The following MIR2052HG variants were observed in gnomAD, a reference collection of about 807,000 sequenced individuals.
MIR2052HG encodes the protein MIR2052 host gene.
intron 2 of MIR2052HG, among the ~76,000 whole-genome samples, chr8:74,659,321 T>G (rs1478559114): frequency 2.0e-5 from 3 of 152,210 alleles, no homozygotes; most frequent in Non-Finnish European, 4.4e-5. Context: ...CTCACAAGTT[T>G]GAAAAACAAG....
intron 5 of MIR2052HG, among the ~76,000 whole-genome samples, chr8:74,753,503 AACTG>A (rs1809969353): frequency 6.6e-6 from 1 of 152,182 alleles, no homozygotes; most frequent in African/African-American, 2.4e-5. Flanking sequence ...GATGACACTA[AACTG>A]ACTGTGTTCT....
chr8:74,706,896 A>G (rs1271181548), intron 4 of MIR2052HG, among the ~76,000 whole-genome samples: 1 of 152,070 alleles, frequency 6.6e-6, no homozygotes, highest in East Asian at 1.9e-4. Context: ...GAGGATTTGC[A>G]AGTGCGTGAA....
intron 4 of MIR2052HG, among the ~76,000 whole-genome samples, chr8:74,730,789 T>G (rs1809683640): frequency 1.0e-5 from 1 of 97,800 alleles, no homozygotes; most frequent in East Asian, 3.5e-4. Flanking sequence ...TTGAAGCAAT[T>G]TTTATGAAAA....
intron 2 of MIR2052HG, among the ~76,000 whole-genome samples, chr8:74,652,429 G>A (rs994599819): frequency 2.0e-5 from 3 of 152,098 alleles, no homozygotes; most frequent in African/African-American, 7.2e-5. Context: ...AGACCATGTG[G>A]ACCAAATCCC....
chr8:74,603,230 GATGGATC>G (rs1266642339), intron 1 of MIR2052HG: 16 of 1,268,608 alleles, frequency 1.3e-5, no homozygotes, highest in Non-Finnish European at 1.8e-5. Context: ...AAACTACACA[GATGGATC>G]ATGGGTGGTG....
chr8:74,702,278 G>T (rs1305136816), intron 2 of MIR2052HG: 1 of 211,298 alleles, frequency 4.7e-6, no homozygotes, highest in African/African-American at 2.3e-5. Flanking sequence ...TTTTGATTAA[G>T]AAGGGATAAA....
chr8:74,715,613 T>TA (rs199672997), intron 4 of MIR2052HG, among the ~76,000 whole-genome samples: 3 of 151,792 alleles, frequency 2.0e-5, no homozygotes, highest in Admixed American at 6.6e-5. Context: ...ACAAATAGAT[T>TA]AAAAAAAAAT....
At chr8:74,740,500 A>G (rs1451351297) in intron 4 of MIR2052HG, among the ~76,000 whole-genome samples, 1 of 152,162 alleles carries the variant, frequency 6.6e-6, no homozygotes, top group African/African-American at 2.4e-5. Flanking sequence ...GTACAATATG[A>G]TATGTTAGGC....
At chr8:74,695,368 A>G (rs986531924) in intron 2 of MIR2052HG, among the ~76,000 whole-genome samples, 1 of 152,182 alleles carries the variant, frequency 6.6e-6, no homozygotes, top group South Asian at 2.1e-4. Context: ...CTTAAAGCAT[A>G]AATCTCACAG....
chr8:74,676,544 A>G (rs1476884127), intron 2 of MIR2052HG, among the ~76,000 whole-genome samples: 1 of 151,948 alleles, frequency 6.6e-6, no homozygotes, highest in Non-Finnish European at 1.5e-5. Context: ...ACCAATCCAA[A>G]AAATACAAGA....
In MIR2052HG at chr8:74,680,673, G is replaced by A. The variant is rs1232588041; in HGVS notation, n.217-21706G>A. On this transcript the variant is annotated intron_variant and non_coding_transcript_variant, in intron 2 of 6. Transcript: ENST00000523442. ...AGTGTGGCAATTCCTCAGGGATCTA[G>A]AACTAGAAATACCATTTGATCCAGC... is the stretch of plus-strand genomic sequence containing the variant. Among the ~76,000 whole-genome samples, 5 of 152,186 alleles carry A rather than the reference G, an allele frequency of 3.3e-5. No individual in the cohort carries two copies. The South Asian group carries it at 1.0e-3, about 32-fold the overall frequency.
intron 2 of MIR2052HG, among the ~76,000 whole-genome samples, chr8:74,676,053 A>G (rs115656802): frequency 0.013 from 1,933 of 152,166 alleles, 30 homozygotes; most frequent in African/African-American, 0.045. Context: ...TCAGAAGACT[A>G]TGGAATAATG....
At chr8:74,610,231 T>C (rs1490793166) in intron 1 of MIR2052HG, among the ~76,000 whole-genome samples, 2 of 151,960 alleles carry the variant, frequency 1.3e-5, no homozygotes, top group Non-Finnish European at 2.9e-5. Flanking sequence ...TTGTATATTC[T>C]TGGAATCAAT....
At chr8:74,698,302 G>T (rs2202079) in intron 2 of MIR2052HG, among the ~76,000 whole-genome samples, 2 of 152,084 alleles carry the variant, frequency 1.3e-5, no homozygotes, top group Non-Finnish European at 2.9e-5. Context: ...TTGGCTAGCC[G>T]CATGTAGGAG....
chr8:74,696,691 C>T (rs1195679549), intron 2 of MIR2052HG, among the ~76,000 whole-genome samples: 1 of 151,816 alleles, frequency 6.6e-6, no homozygotes, highest in Non-Finnish European at 1.5e-5. Context: ...CTATGGACAC[C>T]TCTAATTGCA....
intron 2 of MIR2052HG, among the ~76,000 whole-genome samples, chr8:74,622,249 AACAG>A (rs1198001819): frequency 6.6e-6 from 1 of 152,230 alleles, no homozygotes; most frequent in Non-Finnish European, 1.5e-5. Flanking sequence ...AAAGATTCTG[AACAG>A]ACATTTTCGA....
chr8:74,725,374 C>A (rs1809623094), intron 4 of MIR2052HG, among the ~76,000 whole-genome samples: 1 of 152,128 alleles, frequency 6.6e-6, no homozygotes. Context: ...TAACCTGCAA[C>A]CTTGTATGAT....
intron 2 of MIR2052HG, among the ~76,000 whole-genome samples, chr8:74,656,023 C>T (rs1808802680): frequency 6.6e-6 from 1 of 152,132 alleles, no homozygotes; most frequent in Non-Finnish European, 1.5e-5. Context: ...TTGACTACCC[C>T]ACTGGATTTT....
chr8:74,641,458 A>G lies in MIR2052HG; in HGVS notation n.216+28518A>G, dbSNP rs1185980968. 2.6e-5 allele frequency among the ~76,000 whole-genome samples: 4 copies of G among 152,206 alleles called. No homozygotes were observed. In the South Asian group the frequency reaches 6.2e-4, roughly 24 times the overall value. ...AGATCTTCCATTTGCTTTGGTTAAG[A>G]AAAAAAAGAAGCTCATTTTTTTCTT... is the stretch of plus-strand genomic sequence containing the variant. On this transcript the variant is annotated intron_variant and non_coding_transcript_variant, in intron 2 of 6. Coordinates refer to ENST00000523442, the Ensembl canonical transcript of MIR2052HG.
Sources: allele counts gnomAD v4.1 joint callset (sites outside exome capture counted in the v4.1 genomes callset), GRCh38; gene constraint gnomAD v4.1.1; transcripts MANE v1.5; gene names NCBI Gene and HGNC (gene_info 2026-07-23, HGNC 2026-07-21).